The following LRMDA variants were observed in gnomAD, a reference collection of about 807,000 sequenced individuals.
LRMDA encodes leucine-rich melanocyte differentiation-associated protein.
Under a neutral mutation model 29.8 loss-of-function variants are expected in LRMDA, and 18 were observed. That is an observed-to-expected ratio of 0.60 (90% CI 0.42 to 0.90). LRMDA has a LOEUF of 0.90. Among genes scored for constraint, LRMDA ranks in the 40% least tolerant of loss-of-function variants. LRMDA has a pLI of 0.00. For missense variants in LRMDA, 273 were observed against 273.9 expected, an observed-to-expected ratio of 1.00 and a Z score of 0.02; for synonymous variants, 125 against 109.4, an observed-to-expected ratio of 1.14 and a Z score of -0.89.
chr10:76,289,482 G>A (rs1840312472), intron 5 of LRMDA, among the ~76,000 whole-genome samples: 1 of 152,120 alleles, frequency 6.6e-6, no homozygotes, highest in Admixed American at 6.6e-5. Context: ...CAGACATGGA[G>A]CATTTCCATT....
chr10:76,084,364 ATTTTTTTTTTTTTTTTTTTT>A (rs71024586), intron 5 of LRMDA, among the ~76,000 whole-genome samples: 1 of 70,904 alleles, frequency 1.4e-5, no homozygotes, highest in African/African-American at 5.8e-5. Flanking sequence ...CGCCCAGCTA[ATTTTTTTTTTTTTTTTTTTT>A]TTTTTTTTTT....
chr10:76,244,610 C>T (rs992344600), intron 5 of LRMDA, among the ~76,000 whole-genome samples: 1 of 152,100 alleles, frequency 6.6e-6, no homozygotes, highest in Non-Finnish European at 1.5e-5. Context: ...GGGTCTGTTT[C>T]CTTCACACAA....
At chr10:76,273,604 C>A (rs1840094036) in intron 5 of LRMDA, among the ~76,000 whole-genome samples, 1 of 152,134 alleles carries the variant, frequency 6.6e-6, no homozygotes, top group Admixed American at 6.6e-5. Flanking sequence ...ACAGGGTTCC[C>A]TGATGGCAAT....
intron 2 of LRMDA, among the ~76,000 whole-genome samples, chr10:75,880,945 T>C (rs1249933698): frequency 6.6e-6 from 1 of 151,990 alleles, no homozygotes; most frequent in Non-Finnish European, 1.5e-5. Flanking sequence ...TCATGAGAGG[T>C]CATCTGACCA....
At chr10:76,102,202 T>C (rs1285593507) in intron 5 of LRMDA, among the ~76,000 whole-genome samples, 1 of 152,248 alleles carries the variant, frequency 6.6e-6, no homozygotes, top group Non-Finnish European at 1.5e-5. Context: ...GTTTCCATCT[T>C]TTCACTATTG....
At chr10:76,550,208 A>G (rs530177656) in intron 6 of LRMDA, among the ~76,000 whole-genome samples, 10 of 152,344 alleles carry the variant, frequency 6.6e-5, no homozygotes, top group African/African-American at 2.4e-4. Context: ...AATTGGCTAA[A>G]TGGAGTTTGC....
At chr10:75,499,664 T>G (rs186936127) in intron 2 of LRMDA, among the ~76,000 whole-genome samples, 1 of 152,330 alleles carries the variant, frequency 6.6e-6, no homozygotes, top group African/African-American at 2.4e-5. Context: ...AAACTTGGGC[T>G]GGGAGTTGGC....
chr10:76,445,662 A>G (rs1029070465), intron 6 of LRMDA, among the ~76,000 whole-genome samples: 1 of 152,206 alleles, frequency 6.6e-6, no homozygotes, highest in African/African-American at 2.4e-5. Flanking sequence ...ACACAGAGGG[A>G]GAGGTTTGAG....
chr10:75,565,363 G>A (rs1288599144), intron 2 of LRMDA, among the ~76,000 whole-genome samples: 1 of 152,242 alleles, frequency 6.6e-6, no homozygotes, highest in Non-Finnish European at 1.5e-5. Context: ...ACCTGGGCAG[G>A]TTGGCAGCCA....
At chr10:76,041,006 C>T (rs555054838) in intron 3 of LRMDA, among the ~76,000 whole-genome samples, 11 of 152,298 alleles carry the variant, frequency 7.2e-5, no homozygotes, top group Middle Eastern at 3.4e-3. Flanking sequence ...ATCTTAGGAA[C>T]GATTTGCTGT....
chr10:75,486,539 G>A (rs1844915602), intron 2 of LRMDA, among the ~76,000 whole-genome samples: 1 of 152,152 alleles, frequency 6.6e-6, no homozygotes, highest in Admixed American at 6.5e-5. Flanking sequence ...TTGACTGAGA[G>A]AGCATTTTGA....
chr10:75,848,214 G>A (rs1160364360), intron 2 of LRMDA, among the ~76,000 whole-genome samples: 5 of 152,300 alleles, frequency 3.3e-5, no homozygotes, highest in African/African-American at 9.6e-5. Flanking sequence ...GAAATGTTAT[G>A]CAGCCTTAAA....
chr10:75,955,680 AT>A (rs1268037264), intron 2 of LRMDA, among the ~76,000 whole-genome samples: 1 of 152,208 alleles, frequency 6.6e-6, no homozygotes, highest in Non-Finnish European at 1.5e-5. Flanking sequence ...TAGCACTAAT[AT>A]TTTGTTTTCA....
At chr10:76,151,603 A>G (rs1005961575) in intron 5 of LRMDA, among the ~76,000 whole-genome samples, 13 of 152,336 alleles carry the variant, frequency 8.5e-5, no homozygotes, top group African/African-American at 3.1e-4. Flanking sequence ...TACCCATTCT[A>G]GGCTCATTGG....
At chr10:75,734,439 C>T (rs1842736324) in intron 2 of LRMDA, among the ~76,000 whole-genome samples, 1 of 152,122 alleles carries the variant, frequency 6.6e-6, no homozygotes, top group Admixed American at 6.5e-5. Context: ...GGACTCTAGT[C>T]TGGAAATATC....
At chr10:75,994,895 A>G (rs1847433898) in intron 2 of LRMDA, among the ~76,000 whole-genome samples, 1 of 152,120 alleles carries the variant, frequency 6.6e-6, no homozygotes, top group Non-Finnish European at 1.5e-5. Context: ...GCCACTCAAC[A>G]CTTCAAGGTT....
At chr10:76,390,086 T>A (rs1841705226) in intron 6 of LRMDA, among the ~76,000 whole-genome samples, 1 of 152,228 alleles carries the variant, frequency 6.6e-6, no homozygotes, top group Admixed American at 6.5e-5. Flanking sequence ...ATAGCAGCTG[T>A]ACCATTTTAC....
At chr10:76,353,237 A>G (rs1238827502) in intron 6 of LRMDA, among the ~76,000 whole-genome samples, 1 of 151,940 alleles carries the variant, frequency 6.6e-6, no homozygotes, top group Non-Finnish European at 1.5e-5. Context: ...CATTAATCTC[A>G]TGGACATTAC....
At chr10:75,783,791 C>T (rs1050201292) in intron 2 of LRMDA, among the ~76,000 whole-genome samples, 8 of 152,162 alleles carry the variant, frequency 5.3e-5, no homozygotes, top group Non-Finnish European at 8.8e-5. Flanking sequence ...AGCAAGTGCT[C>T]AATAAATGTT....
Sources: allele counts gnomAD v4.1 joint callset (sites outside exome capture counted in the v4.1 genomes callset), GRCh38; gene constraint gnomAD v4.1.1; transcripts MANE v1.5; gene names NCBI Gene and HGNC (gene_info 2026-07-23, HGNC 2026-07-21).